GK5: variants seen among roughly 807,000 people sequenced by gnomAD.
GK5 encodes glycerol kinase 5.
Under a neutral mutation model 77.3 loss-of-function variants are expected in GK5, and 39 were observed. That is an observed-to-expected ratio of 0.50 (90% confidence interval 0.39 to 0.66). GK5 has a LOEUF of 0.66. GK5 is among the 30% of genes least tolerant of loss of function. The probability of loss-of-function intolerance (pLI) is 0.00; values close to 1 mark genes in which losing one functional copy is unlikely to be tolerated. For synonymous variants in GK5, 211 were observed against 208.0 expected, an observed-to-expected ratio of 1.01 and a Z score of -0.13; for missense variants, 487 against 633.8, an observed-to-expected ratio of 0.77 and a Z score of 2.49.
rs867070962 is a variant in GK5 at position 142,157,874 on chromosome 3, G to C, written c.*7748C>G. The C allele has an allele frequency of 1.3e-5, 2 of 151,914 alleles. No individual in the cohort carries two copies. The highest frequency in any genetic ancestry group is 2.4e-5 in the African/African-American group (1 of 41,364). 9.4% of individuals were successfully genotyped at this position (151,914 alleles called of 1,614,324 possible). A position where few individuals can be genotyped will look rare whatever the true frequency, so the allele number is the denominator to read the frequency against. On this transcript the variant is annotated 3_prime_UTR_variant, in exon 16 of 16. Transcript: ENST00000392993. Reference sequence around the variant, plus strand: ...AACCCTTCTTGTCTAACCATATTAAGGCCCAAGTTTACCTAGAGTCACAAT... The same window carrying C: ...AACCCTTCTTGTCTAACCATATTAACGCCCAAGTTTACCTAGAGTCACAAT...
rs997291296 is a variant in GK5, at chr3:142,223,831, C to T, written c.147+1478G>A. On this transcript the variant is annotated intron_variant, in intron 1 of 15. Transcript: ENST00000392993. Reference sequence around the variant, plus strand: ...CCAGCCTGGGTGACAGAGCGAGACTCCGTCTAAAAAGAAAAAAAAGAAAAA... The same window carrying T: ...CCAGCCTGGGTGACAGAGCGAGACTTCGTCTAAAAAGAAAAAAAAGAAAAA... 3.3e-5 allele frequency among the ~76,000 whole-genome samples: 5 copies of T among 152,166 alleles called. No individual in the cohort carries two copies. The East Asian group carries it at 9.7e-4, about 29-fold the overall frequency.
At chr3:142,221,436 A>G (rs964925053) in intron 1 of GK5, among the ~76,000 whole-genome samples, 15 of 152,216 alleles carry the variant, frequency 9.9e-5, no homozygotes, top group African/African-American at 3.4e-4. Flanking sequence ...GATGTCACAT[A>G]CCATCCCCAA....
At chr3:142,223,885 C>T (rs1293282994) in intron 1 of GK5, among the ~76,000 whole-genome samples, 1 of 152,096 alleles carries the variant, frequency 6.6e-6, no homozygotes, top group Non-Finnish European at 1.5e-5. Context: ...GATGTTTCCC[C>T]AGAACAAATG....
Position 142,157,554 on chromosome 3 carries a change from C to T in GK5, c.*8068G>A, listed in dbSNP as rs2063392030. 1 of 152,148 alleles carries T rather than the reference C, an allele frequency of 6.6e-6. No individual in the cohort carries two copies. Among genetic ancestry groups the T allele is most frequent in the Admixed American group, 6.5e-5 (1 of 15,274 alleles). 9.4% of individuals were successfully genotyped at this position (152,148 alleles called of 1,614,324 possible). On this transcript the variant is annotated 3_prime_UTR_variant, in exon 16 of 16. Transcript: ENST00000392993. ...CAATATAAAAATGGCTTTAATATAC[C>T]AACGTACAGATTATTCAGTTCCATT... is the stretch of plus-strand genomic sequence containing the variant.
intron 14 of GK5, 82 bp from the exon 15 acceptor site, chr3:142,170,540 A>G (rs79281773): frequency 0.012 from 13,846 of 1,165,304 alleles, 537 homozygotes; most frequent in African/African-American, 0.093. Flanking sequence ...TTTTCCTGAA[A>G]TCCTTGATTT....
intron 4 of GK5, among the ~76,000 whole-genome samples, chr3:142,199,902 C>A (rs1049833751): frequency 6.6e-6 from 1 of 151,908 alleles, no homozygotes; most frequent in Non-Finnish European, 1.5e-5. Flanking sequence ...TTTTGTTAAT[C>A]CTACCTCACT....
chr3:142,186,778 G>A (rs181643270), intron 6 of GK5, among the ~76,000 whole-genome samples: 1,884 of 152,054 alleles, frequency 0.012, 67 homozygotes, highest in Admixed American at 0.085. Flanking sequence ...TTAGAGGCAT[G>A]TGCCACCACA....
In GK5 at chr3:142,204,335, A is replaced by G. The variant is rs550760136; in HGVS notation, c.411+360T>C. 3.8e-5 allele frequency: 12 copies of G among 319,984 alleles called. No individual in the cohort carries two copies. In the East Asian group the frequency reaches 9.7e-4, roughly 26 times the overall value. 19.8% of individuals were successfully genotyped at this position (319,984 alleles called of 1,614,324 possible). A position where few individuals can be genotyped will look rare whatever the true frequency, so the allele number is the denominator to read the frequency against. On this transcript the variant is annotated intron_variant, in intron 4 of 15. Transcript: ENST00000392993. ...GCCTGTAATGATAAGAGCTTCTAAC[A>G]GTCTGCTAGTTATCTATAATATCTC... is the stretch of plus-strand genomic sequence containing the variant.
chr3:142,217,005 T>C (rs544771806), intron 1 of GK5, among the ~76,000 whole-genome samples: 6 of 152,328 alleles, frequency 3.9e-5, no homozygotes, highest in African/African-American at 1.4e-4. Flanking sequence ...CCAGGGTCTT[T>C]TAACATAATA....
chr3:142,204,143 C>G (rs544372797), intron 4 of GK5: 11 of 168,292 alleles, frequency 6.5e-5, no homozygotes, highest in Admixed American at 4.1e-4. Context: ...CTCAGCCTAC[C>G]AAGTAGCAGG....
chr3:142,223,306 C>T (rs185897769), intron 1 of GK5, among the ~76,000 whole-genome samples: 1 of 152,280 alleles, frequency 6.6e-6, no homozygotes, highest in Admixed American at 6.5e-5. Flanking sequence ...AAAAACAGTG[C>T]TTAAAAGTAC....
intron 11 of GK5, among the ~76,000 whole-genome samples, chr3:142,178,101 G>A (rs1454794462): frequency 6.6e-6 from 1 of 151,738 alleles, no homozygotes; most frequent in African/African-American, 2.4e-5. Flanking sequence ...CAGGTGATTC[G>A]CCCGCCTCAG....
intron 12 of GK5, among the ~76,000 whole-genome samples, chr3:142,174,751 A>AG (rs536684690): frequency 4.6e-4 from 70 of 152,200 alleles, no homozygotes; most frequent in Non-Finnish European, 3.4e-4. Flanking sequence ...ACAACTGCAG[A>AG]GGGTGAGTAC....
At chr3:142,185,696 A>C in intron 9 of GK5, 1 of 1,424,042 alleles carries the variant, frequency 7.0e-7, no homozygotes, top group Non-Finnish European at 9.2e-7. Flanking sequence ...CAAGCAAGTC[A>C]GAAAAGGTTA....
intron 3 of GK5, among the ~76,000 whole-genome samples, chr3:142,207,597 G>A (rs1210532698): frequency 6.6e-6 from 1 of 152,060 alleles, no homozygotes; most frequent in Admixed American, 6.5e-5. Context: ...ATCCCCATGT[G>A]ACCATCTCAC....
intron 3 of GK5, among the ~76,000 whole-genome samples, chr3:142,206,950 G>A (rs2064117176): frequency 6.6e-6 from 1 of 152,182 alleles, no homozygotes; most frequent in African/African-American, 2.4e-5. Context: ...GGAGATGTAG[G>A]GAGACCCCCT....
chr3:142,185,941 T>C lies in GK5; in HGVS notation c.804A>G (p.Pro268=). 9 of 1,606,108 alleles carry C rather than the reference T, an allele frequency of 5.6e-6. No individual in the cohort carries two copies. The highest frequency in any genetic ancestry group is 7.6e-6 in the Non-Finnish European group (9 of 1,176,832). Residue 268 remains proline (P), a synonymous_variant, in exon 9 of 16, where the codon CCA becomes CCG. Transcript: ENST00000392993. ...VDEEIFGVPI[P]IVALVADQQS... ...GTTTCCTACTTACCAAGGCAACTAT[T>C]GGTATAGGCACACCAAATATCTCTT...
chr3:142,189,673 G>A (rs1207074301), intron 5 of GK5, among the ~76,000 whole-genome samples: 1 of 152,152 alleles, frequency 6.6e-6, no homozygotes, highest in Non-Finnish European at 1.5e-5. Flanking sequence ...AAGGTAGGAG[G>A]ACCTAGGTCA....
intron 5 of GK5, among the ~76,000 whole-genome samples, chr3:142,191,796 G>A (rs1331228044): frequency 6.6e-6 from 1 of 152,068 alleles, no homozygotes; most frequent in African/African-American, 2.4e-5. Context: ...CACTCAACCT[G>A]GGTGACAGAG....
Sources: gnomAD v4.1 joint callset for allele counts (sites outside exome capture counted in the v4.1 genomes callset) on GRCh38, gnomAD v4.1.1 for gene constraint, MANE v1.5 for transcripts, NCBI Gene and HGNC (gene_info 2026-07-23, HGNC 2026-07-21) for gene names.